The following SFMBT2 variants were observed in gnomAD, a reference collection of about 807,000 sequenced individuals.
SFMBT2 encodes scm-like with four MBT domains protein 2.
Under a neutral mutation model 110.1 loss-of-function variants are expected in SFMBT2, and 38 were observed. The ratio of observed to expected loss-of-function variants is 0.35; its 90% CI spans 0.27 to 0.45. The LOEUF is 0.45. Among genes scored for constraint, SFMBT2 ranks in the 20% least tolerant of loss-of-function variants. The pLI is 1.00. For missense variants in SFMBT2, 1,011 were observed against 1,094.9 expected (o/e 0.92, Z 1.08); for synonymous variants, 425 against 425.4 (o/e 1.00, Z 0.01).
At chr10:7,285,204 C>T (rs1323024837) in intron 5 of SFMBT2, 2 of 152,210 alleles carry the variant, frequency 1.3e-5, no homozygotes, top group African/African-American at 2.4e-5. Context: ...GTGCCTTTCT[C>T]TTCCTGTTCC....
chr10:7,223,833 A>T (rs1296908604), intron 10 of SFMBT2, among the ~76,000 whole-genome samples: 1 of 152,168 alleles, frequency 6.6e-6, no homozygotes, highest in African/African-American at 2.4e-5. Flanking sequence ...GATTCAGTTG[A>T]TTGTAGGTGG....
intron 1 of SFMBT2, among the ~76,000 whole-genome samples, chr10:7,390,275 C>A (rs1564471826): frequency 6.6e-6 from 1 of 152,190 alleles, no homozygotes; most frequent in Non-Finnish European, 1.5e-5. Flanking sequence ...GGGCTTGGAA[C>A]ATGTCCTAAA....
intron 15 of SFMBT2, among the ~76,000 whole-genome samples, chr10:7,195,539 G>A (rs1244070421): frequency 6.6e-6 from 1 of 152,196 alleles, no homozygotes; most frequent in African/African-American, 2.4e-5. Flanking sequence ...GAAGGCCCTG[G>A]TACAATGGCC....
At chr10:7,193,194 A>T (rs1448082854) in intron 15 of SFMBT2, among the ~76,000 whole-genome samples, 2 of 152,174 alleles carry the variant, frequency 1.3e-5, no homozygotes, top group Non-Finnish European at 2.9e-5. Flanking sequence ...AGCACACAGG[A>T]CAGGCCAGGT....
chr10:7,165,593 A>AT (rs1221720899), intron 20 of SFMBT2, among the ~76,000 whole-genome samples: 2 of 152,198 alleles, frequency 1.3e-5, no homozygotes, highest in East Asian at 3.9e-4. Flanking sequence ...TGTGAGTGTC[A>AT]TTTTTTATTT....
At chr10:7,287,105 A>G (rs1842114593) in intron 4 of SFMBT2, among the ~76,000 whole-genome samples, 1 of 132,346 alleles carries the variant, frequency 7.6e-6, no homozygotes, top group Admixed American at 8.3e-5. Context: ...TTTTTGAGAC[A>G]GAGTCTCGCT....
chr10:7,244,101 T>G (rs532022395), intron 8 of SFMBT2: 1 of 706,348 alleles, frequency 1.4e-6, no homozygotes, highest in South Asian at 6.3e-5. Flanking sequence ...AGCACCAAAC[T>G]CTTTACACCA....
intron 9 of SFMBT2, among the ~76,000 whole-genome samples, chr10:7,229,292 C>A (rs1237802691): frequency 6.6e-6 from 1 of 152,056 alleles, no homozygotes; most frequent in Non-Finnish European, 1.5e-5. Flanking sequence ...TAAAGAAACT[C>A]AACATAGGCC....
intron 7 of SFMBT2, among the ~76,000 whole-genome samples, chr10:7,276,221 G>C (rs1419098193): frequency 6.6e-6 from 1 of 152,112 alleles, no homozygotes; most frequent in Non-Finnish European, 1.5e-5. Flanking sequence ...GCAGAACCTC[G>C]GGACATCAAG....
chr10:7,234,853 C>T (rs865813978), intron 9 of SFMBT2, among the ~76,000 whole-genome samples: 20 of 152,334 alleles, frequency 1.3e-4, no homozygotes, highest in African/African-American at 4.8e-4. Context: ...GAGCAGCTCA[C>T]AGAGGGCAGA....
At chr10:7,206,234 A>G in intron 11 of SFMBT2, 1 of 985,438 alleles carries the variant, frequency 1.0e-6, no homozygotes, top group Non-Finnish European at 1.2e-6. Flanking sequence ...GTAGGAAAAG[A>G]TTGGCATCGG....
At chr10:7,265,585 C>A (rs1484119642) in intron 7 of SFMBT2, among the ~76,000 whole-genome samples, 3 of 152,212 alleles carry the variant, frequency 2.0e-5, no homozygotes, top group South Asian at 4.1e-4. Context: ...ACTCTTTCCT[C>A]TTCTTAGCAA....
intron 15 of SFMBT2, among the ~76,000 whole-genome samples, chr10:7,189,691 G>A (rs539459359): frequency 6.6e-6 from 1 of 152,178 alleles, no homozygotes; most frequent in Non-Finnish European, 1.5e-5. Context: ...GGAACAAGAC[G>A]GGGGAGCACG....
chr10:7,285,653 T>C (rs1028431669), intron 5 of SFMBT2: 1 of 511,340 alleles, frequency 2.0e-6, no homozygotes, highest in Admixed American at 3.6e-5. Context: ...AATTTTCCAT[T>C]TGCTGATTGC....
intron 4 of SFMBT2, among the ~76,000 whole-genome samples, chr10:7,356,146 C>T (rs991799726): frequency 5.3e-5 from 8 of 152,062 alleles, no homozygotes; most frequent in Non-Finnish European, 8.8e-5. Flanking sequence ...AAACAGGATC[C>T]GAGGGAGAGG....
At chr10:7,358,093 C>G (rs1157945734) in intron 4 of SFMBT2, among the ~76,000 whole-genome samples, 1 of 150,212 alleles carries the variant, frequency 6.7e-6, no homozygotes, top group Non-Finnish European at 1.5e-5. Flanking sequence ...ATCTGCATGG[C>G]CCTGTGACAT....
At chr10:7,202,212 T>G (rs1341527658) in intron 13 of SFMBT2, 1 of 246,408 alleles carries the variant, frequency 4.1e-6, no homozygotes, top group Non-Finnish European at 6.5e-6. Context: ...TCTCTCAGTG[T>G]GTAGGTCTGG....
intron 4 of SFMBT2, among the ~76,000 whole-genome samples, chr10:7,366,201 GGAAAGAAA>G (rs1224239151): frequency 6.6e-6 from 1 of 152,002 alleles, no homozygotes; most frequent in African/African-American, 2.4e-5. Flanking sequence ...ACCCAATGCA[GGAAAGAAA>G]GAAAGAAGAC....
chr10:7,164,293 G>T, intron 20 of SFMBT2: 1 of 618,656 alleles, frequency 1.6e-6, no homozygotes, highest in Non-Finnish European at 2.0e-6. Flanking sequence ...GGCTGAGGTG[G>T]GAGGATCACC....
Sources: allele counts gnomAD v4.1 joint callset (sites outside exome capture counted in the v4.1 genomes callset), GRCh38; gene constraint gnomAD v4.1.1; transcripts MANE v1.5; gene names NCBI Gene and HGNC (gene_info 2026-07-23, HGNC 2026-07-21).